Variants in BOLL observed in about 807,000 individuals in gnomAD.
BOLL encodes the protein protein boule-like.
In BOLL, 23 loss-of-function variants were observed where a neutral mutation model predicts 44.4. That is an observed-to-expected ratio of 0.52 (90% CI 0.37 to 0.73). The LOEUF is 0.73. BOLL is among the 30% of genes least tolerant of loss of function. BOLL has a pLI of 0.00. For synonymous variants in BOLL, 97 were observed against 110.8 expected, an observed-to-expected ratio of 0.88 and a Z score of 0.78; for missense variants, 287 against 338.3, an observed-to-expected ratio of 0.85 and a Z score of 1.19.
chr2:197,776,842 G>C (rs1417806403), intron 4 of BOLL, among the ~76,000 whole-genome samples: 1 of 151,806 alleles, frequency 6.6e-6, no homozygotes, highest in East Asian at 1.9e-4. Flanking sequence ...CTTAATTTAA[G>C]TAAATAAAGC....
At position 197,751,848 on chromosome 2, in the gene BOLL, A is replaced by G. The variant is rs541374093; in HGVS notation, c.729+4580T>C. ...CCTGTCAGAAACCAACAAAAAAAAAAAAAGAAAATTTCAGGCCAACATCCC... is the reference window on the plus strand; with the variant it reads ...CCTGTCAGAAACCAACAAAAAAAAAGAAAGAAAATTTCAGGCCAACATCCC... On this transcript the variant is annotated intron_variant, in intron 9 of 10. Transcript: ENST00000392296. Among the ~76,000 whole-genome samples, 892 of 152,090 alleles carry G rather than the reference A, an allele frequency of 5.9e-3. 5 individuals carry two copies. The highest frequency in any genetic ancestry group is 9.4e-3 in the Non-Finnish European group (641 of 67,968).
chr2:197,747,582 C>CAA (rs59385223), intron 9 of BOLL, among the ~76,000 whole-genome samples: 10,276 of 60,352 alleles, frequency 0.17, 1,037 homozygotes, highest in East Asian at 0.25. Context: ...GACTCGGGCT[C>CAA]AAAAAAAAAA....
chr2:197,762,856 T>C (rs1327326509), intron 7 of BOLL, among the ~76,000 whole-genome samples: 1 of 151,926 alleles, frequency 6.6e-6, no homozygotes, highest in Non-Finnish European at 1.5e-5. Context: ...CCAAAATTAG[T>C]AGAAGAAAAG....
At chr2:197,766,649 T>G (rs770053212) in intron 6 of BOLL, 46 bp from the exon 7 acceptor site, 1 of 1,355,582 alleles carries the variant, frequency 7.4e-7, no homozygotes, top group African/African-American at 1.4e-5. Flanking sequence ...GCCTTTAAAA[T>G]AGCTCACAAT....
upstream of BOLL, chr2:197,785,875 C>A (rs1029680763): frequency 1.2e-5 from 11 of 944,040 alleles, no homozygotes; most frequent in Non-Finnish European, 1.7e-5. The surrounding 1 kb of genome is among the most constrained non-coding windows in gnomAD (Gnocchi z 6.7). Context: ...AACCAGATAG[C>A]GAGCGTTTGG....
At chr2:197,746,994 G>A (rs1437057587) in intron 9 of BOLL, among the ~76,000 whole-genome samples, 2 of 151,762 alleles carry the variant, frequency 1.3e-5, no homozygotes, top group East Asian at 3.9e-4. Context: ...AGGTTACAGG[G>A]TTTCAGTTCT....
At chr2:197,752,572 A>G (rs1688310842) in intron 9 of BOLL, among the ~76,000 whole-genome samples, 1 of 152,242 alleles carries the variant, frequency 6.6e-6, no homozygotes. Flanking sequence ...AAGAGAATAA[A>G]GTAGCTAGGA....
At chr2:197,745,519 A>G (rs1418724040) in intron 9 of BOLL, among the ~76,000 whole-genome samples, 1 of 152,200 alleles carries the variant, frequency 6.6e-6, no homozygotes, top group Non-Finnish European at 1.5e-5. Context: ...TTCTGATGGT[A>G]AGTATCTGAT....
At chr2:197,761,720 G>A (rs1688766462) in intron 7 of BOLL, among the ~76,000 whole-genome samples, 1 of 152,094 alleles carries the variant, frequency 6.6e-6, no homozygotes, top group South Asian at 2.1e-4. Context: ...CACCTTACCT[G>A]TAAAGACACA....
intron 1 of BOLL, among the ~76,000 whole-genome samples, chr2:197,783,972 C>T (rs1484829988): frequency 6.6e-6 from 1 of 152,104 alleles, no homozygotes; most frequent in African/African-American, 2.4e-5. Flanking sequence ...CATTATATTT[C>T]ATTGAGAGAA....
At chr2:197,768,250 G>A (rs1689085501) in intron 6 of BOLL, among the ~76,000 whole-genome samples, 1 of 151,920 alleles carries the variant, frequency 6.6e-6, no homozygotes, top group Non-Finnish European at 1.5e-5. Flanking sequence ...AATAAATGGA[G>A]AGATGTATCA....
intron 6 of BOLL, among the ~76,000 whole-genome samples, chr2:197,769,812 C>T (rs1434195058): frequency 2.0e-5 from 3 of 152,126 alleles, no homozygotes; most frequent in Non-Finnish European, 4.4e-5. Flanking sequence ...AGGACCTCTT[C>T]AAGGAGAACT....
intron 10 of BOLL, among the ~76,000 whole-genome samples, chr2:197,736,784 T>C (rs1190737826): frequency 6.6e-6 from 1 of 152,138 alleles, no homozygotes; most frequent in Non-Finnish European, 1.5e-5. Flanking sequence ...GATTTTGTTT[T>C]GCTGTTAAAA....
At chr2:197,758,866 A>G in intron 7 of BOLL, 1 of 1,289,972 alleles carries the variant, frequency 7.8e-7, no homozygotes, top group Non-Finnish European at 1.1e-6. Flanking sequence ...TTGCAGTCCA[A>G]TACCTGTATC....
intron 10 of BOLL, among the ~76,000 whole-genome samples, chr2:197,738,309 G>A (rs144730535): frequency 8.9e-4 from 136 of 152,094 alleles, no homozygotes; most frequent in African/African-American, 3.0e-3. Flanking sequence ...TTAAACTCCT[G>A]GCTCAAGTGA....
chr2:197,764,494 C>A (rs1688902230), intron 7 of BOLL, among the ~76,000 whole-genome samples: 2 of 152,068 alleles, frequency 1.3e-5, no homozygotes, highest in African/African-American at 4.8e-5. Flanking sequence ...ACACTGATCT[C>A]AAAAATCTGC....
chr2:197,747,498 A>C (rs1313105358), intron 9 of BOLL, among the ~76,000 whole-genome samples: 1 of 144,090 alleles, frequency 6.9e-6, no homozygotes, highest in East Asian at 2.1e-4. Context: ...CAGGAGAATC[A>C]CTTGAACCCA....
At chr2:197,770,903 G>C (rs1254996199) in intron 6 of BOLL, among the ~76,000 whole-genome samples, 1 of 152,100 alleles carries the variant, frequency 6.6e-6, no homozygotes, top group Non-Finnish European at 1.5e-5. Flanking sequence ...GTTGGTGGGA[G>C]TGTAAACTAG....
At chr2:197,764,651 GAATTTACTTGT>G (rs1220003574) in intron 7 of BOLL, among the ~76,000 whole-genome samples, 2 of 152,134 alleles carry the variant, frequency 1.3e-5, no homozygotes, top group Non-Finnish European at 2.9e-5. Flanking sequence ...ACTGGTTGCT[GAATTTACTTGT>G]ATTCCTGTTT....
Sources: gnomAD v4.1 joint callset for allele counts (sites outside exome capture counted in the v4.1 genomes callset) on GRCh38, gnomAD v4.1.1 for gene constraint, Gnocchi (gnomAD v3.1) non-coding constraint, MANE v1.5 for transcripts, NCBI Gene and HGNC (gene_info 2026-07-23, HGNC 2026-07-21) for gene names.